TVP23A: variants seen among roughly 807,000 people sequenced by gnomAD.
TVP23A encodes trans-golgi network vesicle protein 23 homolog A, also known as Golgi apparatus membrane protein TVP23 homolog A.
Under a neutral mutation model 31.7 loss-of-function variants are expected in TVP23A, and 21 were observed. That is an observed-to-expected ratio of 0.66 (90% confidence interval 0.47 to 0.95). The LOEUF (loss-of-function observed/expected upper bound fraction) is 0.95. Among genes scored for constraint, TVP23A ranks in the 40% least tolerant of loss-of-function variants. The pLI, the probability that TVP23A is intolerant of heterozygous loss-of-function variation, is 0.00. For synonymous variants in TVP23A, 104 were observed against 96.0 expected (o/e 1.08, Z -0.49); for missense variants, 279 against 255.6 (o/e 1.09, Z -0.62).
chr16:10,800,768 G>A (rs1027520543), intron 2 of TVP23A, among the ~76,000 whole-genome samples: 4 of 152,190 alleles, frequency 2.6e-5, no homozygotes, highest in Non-Finnish European at 4.4e-5. Context: ...TGGATCGCTT[G>A]AGCTCAGGAG....
In TVP23A at chr16:10,777,261, G is replaced by A. The variant is rs2032096043; in HGVS notation, c.90-2165C>T. ...GTACTGCCAGAGCCAAGATTTTCAT[G>A]AGAAGTCAGAAATCCAGACTTGCAA... On this transcript the variant is annotated intron_variant, in intron 2 of 7. Coordinates refer to ENST00000299866, the MANE Select transcript of TVP23A (RefSeq NM_001079512.4). The surrounding 1 kb of genome is among the most constrained non-coding windows in gnomAD (Gnocchi z 4.5). 6.6e-6 allele frequency among the ~76,000 whole-genome samples: 1 copy of A among 152,162 alleles called. No homozygotes were observed. The highest frequency in any genetic ancestry group is 1.5e-5 in the Non-Finnish European group (1 of 68,038).
intron 2 of TVP23A, 43 bp from the exon 3 acceptor site, chr16:10,775,139 C>T (rs767953633): frequency 3.8e-6 from 6 of 1,575,106 alleles, no homozygotes; most frequent in African/African-American, 2.7e-5. Context: ...AAGAGCTAAG[C>T]GGATGGTCAC....
At chr16:10,806,052 A>C (rs1177126324) in intron 2 of TVP23A, among the ~76,000 whole-genome samples, 1 of 152,166 alleles carries the variant, frequency 6.6e-6, no homozygotes, top group Non-Finnish European at 1.5e-5. Flanking sequence ...ATGAATGATT[A>C]AATATTCGGC....
At chr16:10,797,359 C>T (rs1349907729) in intron 2 of TVP23A, among the ~76,000 whole-genome samples, 1 of 151,406 alleles carries the variant, frequency 6.6e-6, no homozygotes. Flanking sequence ...ATGGAGAAAC[C>T]TCATCTCTAA....
In TVP23A at chr16:10,767,909, C is replaced by T. The variant is rs767234408; in HGVS notation, c.*1193G>A. ...AAGATCTTGTGGCCATTCTGTTTTCCTCTTGGACTGAATTGTCTTCCGTTT... is the reference window on the plus strand; with the variant it reads ...AAGATCTTGTGGCCATTCTGTTTTCTTCTTGGACTGAATTGTCTTCCGTTT... On this transcript the variant is annotated 3_prime_UTR_variant, in exon 8 of 8. Transcript: ENST00000299866. This position sits in a 1 kb window ranked among gnomAD's most constrained non-coding sequence, Gnocchi z 4.6. 4.4e-6 allele frequency: 7 copies of T among 1,590,714 alleles called. No homozygotes were observed. The highest frequency in any genetic ancestry group is 6.0e-6 in the Non-Finnish European group (7 of 1,158,920).
intron 2 of TVP23A, among the ~76,000 whole-genome samples, chr16:10,793,860 C>A (rs148109638): frequency 1.9e-4 from 24 of 123,678 alleles, no homozygotes; most frequent in South Asian, 2.7e-4. Flanking sequence ...GATCACACCA[C>A]TGCATTCCAG....
chr16:10,768,909 A>G lies in TVP23A; in HGVS notation c.*193T>C, dbSNP rs943382358. On this transcript the variant is annotated 3_prime_UTR_variant, in exon 8 of 8. Coordinates refer to ENST00000299866, the MANE Select transcript of TVP23A (RefSeq NM_001079512.4). This position sits in a 1 kb window ranked among gnomAD's most constrained non-coding sequence, Gnocchi z 4.3. ...CCGGTCACTTTCAAAGACTCAGGGC[A>G]TCACAGACACAGGTCTTTTTATGGA... is the stretch of plus-strand genomic sequence containing the variant. 4.2e-6 allele frequency: 3 copies of G among 718,584 alleles called. No homozygotes were observed. The African/African-American group carries it at 5.4e-5, about 13-fold the overall frequency. The allele number at this position is 718,584 out of a possible 1,614,324, so 44.5% of individuals were successfully genotyped here. A position where few individuals can be genotyped will look rare whatever the true frequency, so the allele number is the denominator to read the frequency against.
rs116943800 is a variant in TVP23A at position 10,809,470 on chromosome 16, G to A, written c.89+8633C>T. On this transcript the variant is annotated intron_variant, in intron 2 of 7. Coordinates refer to ENST00000299866, the MANE Select transcript of TVP23A (RefSeq NM_001079512.4). ...GTCATAGAAAAGGTTGGTGGGAAAC[G>A]GAGGCTACAGCTTCTGTGATTCAAG... Among the ~76,000 whole-genome samples, 111 of 152,342 alleles carry A rather than the reference G, an allele frequency of 7.3e-4. 2 individuals carry two copies. The East Asian group carries it at 0.015, about 21-fold the overall frequency.
At chr16:10,816,838 C>T (rs753658728) in intron 2 of TVP23A, among the ~76,000 whole-genome samples, 1 of 151,406 alleles carries the variant, frequency 6.6e-6, no homozygotes, top group Admixed American at 6.6e-5. Flanking sequence ...CGAACCTTCA[C>T]GTTGTGCACA....
chr16:10,761,175 G>A (rs1900944045), downstream of TVP23A: 1 of 518,658 alleles, frequency 1.9e-6, no homozygotes, highest in East Asian at 3.5e-5. Flanking sequence ...CTGTAGGGAT[G>A]TAGGGATGAT....
intron 5 of TVP23A, among the ~76,000 whole-genome samples, chr16:10,772,798 G>T (rs552663594): frequency 7.0e-6 from 1 of 142,058 alleles, no homozygotes; most frequent in Non-Finnish European, 1.5e-5. Flanking sequence ...GGCTTCTTCC[G>T]GTGATGAAAA....
chr16:10,780,450 C>T (rs544593096), intron 2 of TVP23A, among the ~76,000 whole-genome samples: 17 of 152,154 alleles, frequency 1.1e-4, no homozygotes, highest in Admixed American at 2.6e-4. Flanking sequence ...TGTCACATTC[C>T]AGCCTTTGTA....
intron 2 of TVP23A, among the ~76,000 whole-genome samples, chr16:10,798,435 G>T (rs2033522463): frequency 6.6e-6 from 1 of 152,146 alleles, no homozygotes; most frequent in African/African-American, 2.4e-5. Flanking sequence ...AGTGGACACG[G>T]TAGATACCCA....
At chr16:10,758,329 C>T (rs577900594), downstream of TVP23A, among the ~76,000 whole-genome samples, 2 of 152,040 alleles carry the variant, frequency 1.3e-5, no homozygotes, top group South Asian at 4.2e-4. Flanking sequence ...TAAAATTAGC[C>T]AGGCATGGTG....
chr16:10,811,259 A>G (rs1282953684), intron 2 of TVP23A, among the ~76,000 whole-genome samples: 2 of 152,044 alleles, frequency 1.3e-5, no homozygotes, highest in Non-Finnish European at 2.9e-5. Flanking sequence ...AATGTGAATT[A>G]TATTTCTTTT....
chr16:10,799,416 C>T (rs1473896135), intron 2 of TVP23A, among the ~76,000 whole-genome samples: 2 of 152,172 alleles, frequency 1.3e-5, no homozygotes, highest in African/African-American at 4.8e-5. Flanking sequence ...TCACTGCAAC[C>T]TCCGACTCCC....
At chr16:10,759,225 A>G (rs1229399094), downstream of TVP23A, among the ~76,000 whole-genome samples, 1 of 152,214 alleles carries the variant, frequency 6.6e-6, no homozygotes, top group African/African-American at 2.4e-5. The surrounding 1 kb of genome is among the most constrained non-coding windows in gnomAD (Gnocchi z 4.7). Flanking sequence ...CCTGAGGAAC[A>G]CAGGTGCTGG....
intron 2 of TVP23A, among the ~76,000 whole-genome samples, chr16:10,797,657 T>C (rs1339432868): frequency 2.0e-5 from 3 of 151,886 alleles, no homozygotes; most frequent in East Asian, 3.9e-4. Context: ...GTGGTGGAGG[T>C]TGCAGTGAGC....
chr16:10,762,009 C>A (rs1466938550), downstream of TVP23A: 2 of 605,840 alleles, frequency 3.3e-6, no homozygotes, highest in East Asian at 5.7e-5. Flanking sequence ...CAGCTGGCAC[C>A]CCAAGAGGCC....
Sources: gnomAD v4.1 joint callset for allele counts (sites outside exome capture counted in the v4.1 genomes callset) on GRCh38, gnomAD v4.1.1 for gene constraint, Gnocchi (gnomAD v3.1) non-coding constraint, MANE v1.5 for transcripts, NCBI Gene and HGNC (gene_info 2026-07-23, HGNC 2026-07-21) for gene names.